The following INPP5F variants were observed in gnomAD, a reference collection of about 807,000 sequenced individuals.
INPP5F encodes the protein phosphatidylinositide 4-phosphatase SAC2.
In INPP5F, 97 loss-of-function variants were observed where a neutral mutation model predicts 137.2. The ratio of observed to expected loss-of-function variants is 0.71; its 90% CI spans 0.60 to 0.84. The LOEUF is 0.84. INPP5F is among the 40% of genes least tolerant of loss of function. The pLI, the probability that INPP5F is intolerant of heterozygous loss-of-function variation, is 0.00. For missense variants in INPP5F, 1,271 were observed against 1,371.9 expected (o/e 0.93, Z 1.16); for synonymous variants, 504 against 476.9 (o/e 1.06, Z -0.74).
chr10:119,793,796 C>T (rs939610328), intron 6 of INPP5F, among the ~76,000 whole-genome samples: 8 of 151,982 alleles, frequency 5.3e-5, no homozygotes, highest in Admixed American at 2.6e-4. Flanking sequence ...CAGCTTGCGC[C>T]CCAGGCCCAG....
rs1849978770 is a variant in INPP5F at position 119,787,820 on chromosome 10, C to T, written c.316-3697C>T. ...TACACAGTAAAGAGGACTAACAGGG[C>T]TTCATGGGAGATGGGATCCTGGGGC... On this transcript the variant is annotated intron_variant, in intron 3 of 19. Coordinates refer to ENST00000650623, the MANE Select transcript of INPP5F (RefSeq NM_014937.4). The surrounding 1 kb of genome is among the most constrained non-coding windows in gnomAD (Gnocchi z 4.1). Among the ~76,000 whole-genome samples the T allele has an allele frequency of 6.6e-6, 1 of 152,108 alleles. No individual in the cohort carries two copies. The highest frequency in any genetic ancestry group is 2.4e-5 in the African/African-American group (1 of 41,414).
At chr10:119,732,128 A>G (rs1445004606) in intron 1 of INPP5F, among the ~76,000 whole-genome samples, 1 of 145,286 alleles carries the variant, frequency 6.9e-6, no homozygotes, top group Non-Finnish European at 1.5e-5. Context: ...CTCGGCCTCC[A>G]GGGTTCAAGC....
intron 15 of INPP5F, among the ~76,000 whole-genome samples, chr10:119,813,598 C>CTGGG (rs1201325852): frequency 6.6e-6 from 1 of 152,078 alleles, no homozygotes; most frequent in African/African-American, 2.4e-5. Flanking sequence ...GAACACCAGC[C>CTGGG]TGGGTGACAG....
In INPP5F at chr10:119,792,233, A is replaced by G; in HGVS notation, c.669+20A>G. 6.4e-7 allele frequency: 1 copy of G among 1,561,966 alleles called. No homozygotes were observed. On this transcript the variant is annotated intron_variant, in intron 6 of 19. Transcript: ENST00000650623. ...ATTGGTGTGAGTAGTTGTTTCTAAA[A>G]TTTCCTAACCGTAATGAAATTGGTC...
At chr10:119,765,863 T>G (rs1849146758) in intron 2 of INPP5F, among the ~76,000 whole-genome samples, 1 of 50,550 alleles carries the variant, frequency 2.0e-5, no homozygotes, top group African/African-American at 6.2e-5. Context: ...ATACACTATA[T>G]ACTATATATA....
At chr10:119,800,373 G>GT (rs1301114295) in intron 9 of INPP5F, among the ~76,000 whole-genome samples, 2 of 149,576 alleles carry the variant, frequency 1.3e-5, no homozygotes, top group African/African-American at 4.9e-5. Flanking sequence ...GGTCAGCATG[G>GT]TGAAACCCTG....
At chr10:119,764,738 T>G (rs889042781) in intron 2 of INPP5F, among the ~76,000 whole-genome samples, 1 of 150,848 alleles carries the variant, frequency 6.6e-6, no homozygotes. Flanking sequence ...TGCGCCACCA[T>G]GCCTGGCTAA....
chr10:119,786,383 A>G (rs528039496), intron 3 of INPP5F, among the ~76,000 whole-genome samples: 108 of 152,330 alleles, frequency 7.1e-4, no homozygotes, highest in African/African-American at 2.4e-3. Flanking sequence ...GTGTAAACAA[A>G]ATACCTTAGG....
chr10:119,734,449 G>C (rs1848166932), intron 1 of INPP5F, among the ~76,000 whole-genome samples: 1 of 152,134 alleles, frequency 6.6e-6, no homozygotes, highest in Non-Finnish European at 1.5e-5. Flanking sequence ...AATGAGTTTG[G>C]AAAGTTGTAA....
At chr10:119,742,660 C>T (rs1848410245) in intron 1 of INPP5F, among the ~76,000 whole-genome samples, 1 of 152,098 alleles carries the variant, frequency 6.6e-6, no homozygotes, top group South Asian at 2.1e-4. Context: ...GAGAATTGCA[C>T]CAGAAAGAAT....
intron 1 of INPP5F, among the ~76,000 whole-genome samples, chr10:119,747,265 C>T (rs1848562576): frequency 6.6e-6 from 1 of 151,902 alleles, no homozygotes; most frequent in African/African-American, 2.4e-5. Flanking sequence ...GCTCTGTCCC[C>T]CAGGCTGGAG....
chr10:119,736,362 C>T (rs566283987), intron 1 of INPP5F, among the ~76,000 whole-genome samples: 45 of 152,280 alleles, frequency 3.0e-4, no homozygotes, highest in African/African-American at 1.1e-3. Context: ...GATGGGTTCT[C>T]ACTATGTTGG....
chr10:119,765,862 A>C (rs931818048), intron 2 of INPP5F, among the ~76,000 whole-genome samples: 15 of 57,472 alleles, frequency 2.6e-4, no homozygotes, highest in Non-Finnish European at 3.5e-4. Context: ...TATACACTAT[A>C]TACTATATAT....
At position 119,811,745 on chromosome 10, in the gene INPP5F, A is replaced by G. The variant is rs1851043084; in HGVS notation, c.1688-12A>G. 6 of 1,603,596 alleles carry G rather than the reference A, an allele frequency of 3.7e-6. No individual in the cohort carries two copies. The highest frequency in any genetic ancestry group is 1.7e-4 in the Middle Eastern group (1 of 6,008). ...ACTAAAATGATGATAGATATTAACA[A>G]TTCCACCCTAGATTTGATGCAAGGC... On this transcript the variant is annotated splice_polypyrimidine_tract_variant and intron_variant, in intron 14 of 19. Coordinates refer to ENST00000650623, the MANE Select transcript of INPP5F (RefSeq NM_014937.4).
At chr10:119,826,066 C>G (rs1851747242) in intron 19 of INPP5F, 1 of 398,096 alleles carries the variant, frequency 2.5e-6, no homozygotes, top group Admixed American at 4.4e-5. Flanking sequence ...TCCTGTCTCC[C>G]CCCACTATCT....
chr10:119,827,117 T>C lies in INPP5F; in HGVS notation c.2736T>C (p.Asp912=), dbSNP rs61736540. The C allele has an allele frequency of 2.5e-3, 3,965 of 1,614,142 alleles. 88 individuals carry two copies. The African/African-American group carries it at 0.046, about 19-fold the overall frequency. The change falls in exon 20 of 20, where the codon GAT becomes GAC. Residue 912 remains aspartate (D), a synonymous_variant. Coordinates refer to ENST00000650623, the MANE Select transcript of INPP5F (RefSeq NM_014937.4). ...GSRSQSLSST[D]SSVHAPSEIT... ...GGTCCCAGTCTCTTAGCAGCACAGA[T>C]AGTAGCGTTCATGCTCCTTCAGAGA...
chr10:119,731,011 T>C (rs932016198), intron 1 of INPP5F, among the ~76,000 whole-genome samples: 1 of 151,970 alleles, frequency 6.6e-6, no homozygotes, highest in Non-Finnish European at 1.5e-5. Context: ...ATGCTCTCGA[T>C]CTCTTGACCT....
At chr10:119,826,154 C>T in intron 19 of INPP5F, 3 of 396,034 alleles carry the variant, frequency 7.6e-6, no homozygotes, top group Non-Finnish European at 1.3e-5. Flanking sequence ...TCAGAGATGT[C>T]TTTGCTGATT....
chr10:119,799,093 A>G (rs942587961), intron 9 of INPP5F, among the ~76,000 whole-genome samples: 1 of 152,176 alleles, frequency 6.6e-6, no homozygotes, highest in Non-Finnish European at 1.5e-5. Flanking sequence ...ATTTTTCAGT[A>G]TGTTTTTTTC....
Sources: gnomAD v4.1 joint callset for allele counts (sites outside exome capture counted in the v4.1 genomes callset) on GRCh38, gnomAD v4.1.1 for gene constraint, Gnocchi (gnomAD v3.1) non-coding constraint, MANE v1.5 for transcripts, NCBI Gene and HGNC (gene_info 2026-07-23, HGNC 2026-07-21) for gene names.